Variants in STK3 observed in about 807,000 individuals in gnomAD.
The protein encoded by STK3 is serine/threonine-protein kinase 3.
A neutral mutation model predicts 58.0 loss-of-function variants in STK3; 41 were observed. The observed-to-expected ratio is 0.71, with a 90% CI of 0.55 to 0.92. STK3 has a LOEUF of 0.92. STK3 is among the 40% of genes least tolerant of loss of function. The pLI, the probability that STK3 is intolerant of heterozygous loss-of-function variation, is 0.00. For missense variants in STK3, 479 were observed against 602.7 expected, an observed-to-expected ratio of 0.79 and a Z score of 2.15; for synonymous variants, 170 against 191.0, an observed-to-expected ratio of 0.89 and a Z score of 0.91.
chr8:98,814,257 G>T (rs1361181182), intron 1 of STK3, among the ~76,000 whole-genome samples: 4 of 151,678 alleles, frequency 2.6e-5, no homozygotes, highest in Admixed American at 1.3e-4. Flanking sequence ...CACCATGTTG[G>T]TCAGGCTGGT....
chr8:98,660,261 T>A (rs1821863834), intron 6 of STK3, among the ~76,000 whole-genome samples: 1 of 151,938 alleles, frequency 6.6e-6, no homozygotes. Context: ...TACCAAGGGC[T>A]GGAGGGAGGA....
chr8:98,919,013 G>A (rs1428865234), intron 1 of STK3, among the ~76,000 whole-genome samples: 1 of 151,904 alleles, frequency 6.6e-6, no homozygotes, highest in East Asian at 1.9e-4. Context: ...TCAAAACAGT[G>A]AGAATGACAC....
chr8:98,840,350 TA>T (rs775446064), intron 3 of STK3, among the ~76,000 whole-genome samples: 1,672 of 100,834 alleles, frequency 0.017, 29 homozygotes, highest in African/African-American at 0.054. Context: ...AGACTCTGGT[TA>T]AAAAAAAAAA....
chr8:98,698,409 A>C (rs951503947), intron 6 of STK3, among the ~76,000 whole-genome samples: 3 of 151,958 alleles, frequency 2.0e-5, no homozygotes, highest in African/African-American at 7.3e-5. Flanking sequence ...TGTCATTTTG[A>C]TGTTAGCTGG....
chr8:98,479,923 C>A (rs1821712691), intron 10 of STK3, among the ~76,000 whole-genome samples: 1 of 152,032 alleles, frequency 6.6e-6, no homozygotes, highest in South Asian at 2.1e-4. Flanking sequence ...CAAATAGGAG[C>A]TTTAAAACTT....
At chr8:98,551,457 A>AAAC (rs1226936528) in intron 8 of STK3, among the ~76,000 whole-genome samples, 1 of 152,168 alleles carries the variant, frequency 6.6e-6, no homozygotes, top group African/African-American at 2.4e-5. Flanking sequence ...TTTCTGTTTA[A>AAAC]AACAACAAAA....
intron 1 of STK3, among the ~76,000 whole-genome samples, chr8:98,809,992 C>T (rs1217202733): frequency 3.9e-5 from 6 of 152,176 alleles, no homozygotes; most frequent in Non-Finnish European, 7.3e-5. Context: ...CCTCAGGAAG[C>T]TTCCAACCAT....
chr8:98,594,507 C>T (rs370273470), intron 7 of STK3, among the ~76,000 whole-genome samples: 2 of 151,672 alleles, frequency 1.3e-5, no homozygotes, highest in South Asian at 2.1e-4. Flanking sequence ...GGCTAAGGCA[C>T]GAGAATCACT....
chr8:98,404,679 CAAAAA>C (rs35146514), intron 3 of STK3, among the ~76,000 whole-genome samples: 2 of 95,312 alleles, frequency 2.1e-5, no homozygotes, highest in East Asian at 2.9e-4. Context: ...GTCTCTGTCT[CAAAAA>C]AAAAAAAAAA....
At chr8:98,494,450 T>A (rs1458311702) in intron 10 of STK3, among the ~76,000 whole-genome samples, 1 of 152,072 alleles carries the variant, frequency 6.6e-6, no homozygotes. Context: ...ATTATAATTG[T>A]TTGCATGGGC....
At chr8:98,520,375 A>G (rs1439536667) in intron 10 of STK3, among the ~76,000 whole-genome samples, 1 of 152,130 alleles carries the variant, frequency 6.6e-6, no homozygotes, top group East Asian at 1.9e-4. Flanking sequence ...GAAAATCCCA[A>G]AGACAAATGC....
At chr8:98,924,755 A>G (rs900651939) in intron 1 of STK3, among the ~76,000 whole-genome samples, 1 of 152,232 alleles carries the variant, frequency 6.6e-6, no homozygotes, top group African/African-American at 2.4e-5. Context: ...AAACAATTAA[A>G]AGGAGGTAAA....
intron 6 of STK3, chr8:98,633,714 T>C (rs996266451): frequency 1.5e-6 from 1 of 671,698 alleles, no homozygotes; most frequent in African/African-American, 1.8e-5. Flanking sequence ...GTGACAGACA[T>C]CTGGAGGATC....
chr8:98,578,633 T>C (rs1389859432), intron 8 of STK3, among the ~76,000 whole-genome samples: 1 of 152,186 alleles, frequency 6.6e-6, no homozygotes, highest in African/African-American at 2.4e-5. Context: ...GCAAAATAAT[T>C]CCATTTGTAT....
At chr8:98,474,750 GA>G (rs1260899795) in intron 10 of STK3, among the ~76,000 whole-genome samples, 2 of 152,070 alleles carry the variant, frequency 1.3e-5, no homozygotes, top group Admixed American at 1.3e-4. Context: ...TAAGCATACT[GA>G]GTTACTTTTT....
At chr8:98,726,992 A>G (rs1447259427) in intron 4 of STK3, among the ~76,000 whole-genome samples, 1 of 152,144 alleles carries the variant, frequency 6.6e-6, no homozygotes, top group Non-Finnish European at 1.5e-5. Context: ...TAGTAAATAT[A>G]TAGAAACATC....
intron 4 of STK3, among the ~76,000 whole-genome samples, chr8:98,708,900 C>G (rs1826170998): frequency 6.6e-6 from 1 of 151,720 alleles, no homozygotes; most frequent in Admixed American, 6.6e-5. Context: ...TTATACTGAT[C>G]AGGTGACTCT....
chr8:98,366,451 G>A (rs184241596), downstream of STK3, among the ~76,000 whole-genome samples: 17 of 152,056 alleles, frequency 1.1e-4, no homozygotes, highest in East Asian at 2.1e-3. Flanking sequence ...TGACATTACT[G>A]TCTTATCTCC....
intron 7 of STK3, among the ~76,000 whole-genome samples, chr8:98,592,156 G>C (rs1285442644): frequency 2.0e-5 from 3 of 152,108 alleles, no homozygotes; most frequent in Non-Finnish European, 2.9e-5. Flanking sequence ...ATGTAAGTAA[G>C]GTGGCTCTCA....
Sources: gnomAD v4.1 joint callset for allele counts (sites outside exome capture counted in the v4.1 genomes callset) on GRCh38, gnomAD v4.1.1 for gene constraint, MANE v1.5 for transcripts, NCBI Gene and HGNC (gene_info 2026-07-23, HGNC 2026-07-21) for gene names.